Variants in LPP observed in about 807,000 individuals in gnomAD.
LPP encodes the protein LIM domain containing preferred translocation partner in lipoma.
Under a neutral mutation model 60.4 loss-of-function variants are expected in LPP, and 38 were observed. The observed-to-expected ratio is 0.63, with a 90% CI of 0.49 to 0.83. The LOEUF is 0.83. LPP is among the 40% of genes least tolerant of loss of function. The probability of loss-of-function intolerance (pLI) is 0.00; values close to 1 mark genes in which losing one functional copy is unlikely to be tolerated. For missense variants in LPP, 902 were observed against 783.6 expected, an observed-to-expected ratio of 1.15 and a Z score of -1.80; for synonymous variants, 328 against 290.8, an observed-to-expected ratio of 1.13 and a Z score of -1.30.
At chr3:188,698,292 G>C (rs1863702885) in intron 7 of LPP, among the ~76,000 whole-genome samples, 1 of 152,002 alleles carries the variant, frequency 6.6e-6, no homozygotes, top group African/African-American at 2.4e-5. Flanking sequence ...AAACTTTTAG[G>C]TCATGGGTCT....
intron 4 of LPP, among the ~76,000 whole-genome samples, chr3:188,458,452 T>C (rs1798256919): frequency 6.6e-6 from 1 of 152,224 alleles, no homozygotes; most frequent in Admixed American, 6.5e-5. Flanking sequence ...GTTACTATTA[T>C]AATTTTTAAA....
intron 8 of LPP, among the ~76,000 whole-genome samples, chr3:188,741,034 G>A (rs1386182747): frequency 6.6e-6 from 1 of 151,874 alleles, no homozygotes; most frequent in African/African-American, 2.4e-5. Context: ...AAGCATCAGT[G>A]TGTTTCACTG....
At chr3:188,844,776 G>T (rs115304268) in intron 9 of LPP, among the ~76,000 whole-genome samples, 1 of 152,176 alleles carries the variant, frequency 6.6e-6, no homozygotes, top group African/African-American at 2.4e-5. Context: ...TGGCTACATT[G>T]CCTGGACTTT....
intron 6 of LPP, among the ~76,000 whole-genome samples, chr3:188,598,112 G>T (rs1003000891): frequency 6.6e-6 from 1 of 152,092 alleles, no homozygotes; most frequent in African/African-American, 2.4e-5. Context: ...GAAGCAGGTT[G>T]GAAAGTGTTC....
chr3:188,463,212 A>G (rs749832099), intron 4 of LPP, among the ~76,000 whole-genome samples: 5 of 152,128 alleles, frequency 3.3e-5, no homozygotes, highest in Non-Finnish European at 7.3e-5. Context: ...TGTTTTAGAC[A>G]TAGGATCTCA....
At chr3:188,380,935 C>T (rs1776715228) in intron 3 of LPP, among the ~76,000 whole-genome samples, 1 of 152,198 alleles carries the variant, frequency 6.6e-6, no homozygotes, top group African/African-American at 2.4e-5. Flanking sequence ...AGTTGACTTG[C>T]CCAAGGTCAC....
chr3:188,791,203 G>A (rs1412891814), intron 9 of LPP, among the ~76,000 whole-genome samples: 2 of 152,096 alleles, frequency 1.3e-5, no homozygotes, highest in African/African-American at 4.8e-5. Context: ...GTCCTGCTCT[G>A]GGAGAAATGG....
intron 2 of LPP, among the ~76,000 whole-genome samples, chr3:188,300,243 G>A (rs2150135994): frequency 6.6e-6 from 1 of 151,962 alleles, no homozygotes; most frequent in East Asian, 1.9e-4. Context: ...ATATCTATGT[G>A]TATTTTTATT....
chr3:188,393,041 C>G (rs1158132416), intron 3 of LPP, among the ~76,000 whole-genome samples: 1 of 148,740 alleles, frequency 6.7e-6, no homozygotes, highest in Non-Finnish European at 1.5e-5. Context: ...TTTTTTTTTC[C>G]TGCTCCAAAT....
chr3:188,250,728 T>C (rs868481006), intron 2 of LPP, among the ~76,000 whole-genome samples: 429 of 24,482 alleles, frequency 0.018, 3 homozygotes, highest in Non-Finnish European at 0.026. Flanking sequence ...CTTTCTCTCT[T>C]TCTTTCTTTC....
At chr3:188,705,885 G>A (rs1291283909) in intron 7 of LPP, among the ~76,000 whole-genome samples, 1 of 152,052 alleles carries the variant, frequency 6.6e-6, no homozygotes, top group Admixed American at 6.6e-5. Context: ...CCAAGATGCT[G>A]GGATTACTGA....
At chr3:188,827,930 G>A (rs1756013407) in intron 9 of LPP, among the ~76,000 whole-genome samples, 1 of 151,982 alleles carries the variant, frequency 6.6e-6, no homozygotes, top group Non-Finnish European at 1.5e-5. Context: ...CTTCCTCTCT[G>A]TCTACCTTTG....
intron 11 of LPP, among the ~76,000 whole-genome samples, chr3:188,873,041 A>G (rs1417689640): frequency 2.0e-5 from 3 of 151,650 alleles, no homozygotes; most frequent in Non-Finnish European, 4.4e-5. Context: ...TGTATATTAA[A>G]GGACATTGTA....
chr3:188,715,625 T>C (rs1014873657), intron 8 of LPP, among the ~76,000 whole-genome samples: 1 of 152,118 alleles, frequency 6.6e-6, no homozygotes, highest in African/African-American at 2.4e-5. Context: ...AGTTGAGTTT[T>C]TCTCCAGATA....
intron 2 of LPP, among the ~76,000 whole-genome samples, chr3:188,273,013 G>A (rs2149810423): frequency 6.6e-6 from 1 of 152,318 alleles, no homozygotes; most frequent in Middle Eastern, 3.4e-3. Flanking sequence ...TGAAGAAGCT[G>A]TCCAGTGTCA....
At chr3:188,435,785 A>G (rs1792145928) in intron 4 of LPP, among the ~76,000 whole-genome samples, 1 of 152,174 alleles carries the variant, frequency 6.6e-6, no homozygotes, top group South Asian at 2.1e-4. Flanking sequence ...AATTAATCTG[A>G]GGATGTTGTG....
At chr3:188,558,446 A>C (rs1051464061) in intron 6 of LPP, among the ~76,000 whole-genome samples, 5 of 151,968 alleles carry the variant, frequency 3.3e-5, no homozygotes, top group Admixed American at 2.6e-4. Context: ...TTCTTTTGAC[A>C]CTTGTCACAT....
intron 10 of LPP, among the ~76,000 whole-genome samples, chr3:188,867,361 T>C (rs1766926983): frequency 6.6e-6 from 1 of 150,734 alleles, no homozygotes; most frequent in South Asian, 2.1e-4. Flanking sequence ...GTTATTATTT[T>C]TTAGACAAAG....
chr3:188,404,417 T>A lies in LPP; in HGVS notation c.-9-1695T>A, dbSNP rs902475003. On this transcript the variant is annotated intron_variant, in intron 3 of 11. Transcript: ENST00000617246. ...GCGCCATTATATCCTGCTAATTTTTTAATTTTTTGTAGAGACCGAGTCTCA... is the reference window on the plus strand; with the variant it reads ...GCGCCATTATATCCTGCTAATTTTTAAATTTTTTGTAGAGACCGAGTCTCA... Among the ~76,000 whole-genome samples, 67 of 152,252 alleles carry A rather than the reference T, an allele frequency of 4.4e-4. 1 individual carries two copies. Among genetic ancestry groups the A allele is most frequent in the African/African-American group, 1.5e-3 (61 of 41,548 alleles).
Sources: gnomAD v4.1 joint callset for allele counts (sites outside exome capture counted in the v4.1 genomes callset) on GRCh38, gnomAD v4.1.1 for gene constraint, MANE v1.5 for transcripts, NCBI Gene and HGNC (gene_info 2026-07-23, HGNC 2026-07-21) for gene names.